Variants in TRERF1 observed in about 807,000 individuals in gnomAD.
TRERF1 encodes transcriptional-regulating factor 1.
In TRERF1, 27 loss-of-function variants were observed where a neutral mutation model predicts 122.9. The ratio of observed to expected loss-of-function variants is 0.22; its 90% confidence interval spans 0.16 to 0.30. The LOEUF (loss-of-function observed/expected upper bound fraction) is 0.30, where lower values mean the gene tolerates loss of function less well. Among genes scored for constraint, TRERF1 ranks in the 10% least tolerant of loss-of-function variants. The pLI is 1.00. For synonymous variants in TRERF1, 636 were observed against 641.7 expected (o/e 0.99, Z 0.13); for missense variants, 1,248 against 1,560.3 (o/e 0.80, Z 3.37).
intron 2 of TRERF1, among the ~76,000 whole-genome samples, chr6:42,369,049 G>T (rs187781946): frequency 6.6e-6 from 1 of 152,164 alleles, no homozygotes; most frequent in Non-Finnish European, 1.5e-5. Context: ...TCAGTCTGGA[G>T]TGGGGCTCTG....
At chr6:42,374,375 G>C (rs1774430219) in intron 2 of TRERF1, among the ~76,000 whole-genome samples, 1 of 152,092 alleles carries the variant, frequency 6.6e-6, no homozygotes, top group African/African-American at 2.4e-5. Flanking sequence ...TTTGACAGTG[G>C]TTGTGTCTCG....
chr6:42,395,069 C>G (rs1226230421), intron 2 of TRERF1, among the ~76,000 whole-genome samples: 4 of 152,230 alleles, frequency 2.6e-5, no homozygotes, highest in Non-Finnish European at 4.4e-5. Context: ...GTGGGGTAGA[C>G]AGGGCCGGCA....
chr6:42,419,353 C>T (rs958106640), intron 2 of TRERF1, among the ~76,000 whole-genome samples: 2 of 150,276 alleles, frequency 1.3e-5, no homozygotes, highest in Non-Finnish European at 3.0e-5. Context: ...CCTCACAAAC[C>T]ACAGTGCTCC....
At chr6:42,288,857 G>T (rs1215344674) in intron 4 of TRERF1, among the ~76,000 whole-genome samples, 2 of 152,036 alleles carry the variant, frequency 1.3e-5, no homozygotes, top group Admixed American at 1.3e-4. Context: ...CTGGACAGGG[G>T]GCAAGGGCAA....
chr6:42,368,301 C>G (rs972611378), intron 2 of TRERF1, among the ~76,000 whole-genome samples: 2 of 152,182 alleles, frequency 1.3e-5, no homozygotes, highest in Non-Finnish European at 2.9e-5. Context: ...CCCTCTACCC[C>G]TCCTGAGTGG....
intron 4 of TRERF1, among the ~76,000 whole-genome samples, chr6:42,290,718 T>A (rs1478873062): frequency 4.0e-5 from 6 of 150,836 alleles, no homozygotes; most frequent in Non-Finnish European, 8.8e-5. Context: ...GAAAATTAAT[T>A]TATCCTTTTT....
chr6:42,288,953 C>CTGTGTGTGTGTG (rs3074800), intron 4 of TRERF1, among the ~76,000 whole-genome samples: 149 of 144,412 alleles, frequency 1.0e-3, no homozygotes, highest in East Asian at 4.1e-3. Context: ...ATCTTGAACT[C>CTGTGTGTGTGTG]TGTGTGTGTG....
At chr6:42,328,004 CTTTTTTTTTTT>C (rs36069546) in intron 3 of TRERF1, among the ~76,000 whole-genome samples, 2 of 108,004 alleles carry the variant, frequency 1.9e-5, no homozygotes, top group African/African-American at 6.9e-5. Flanking sequence ...TTCTTTCTTT[CTTTTTTTTTTT>C]TTTTTTTTGA....
intron 15 of TRERF1, among the ~76,000 whole-genome samples, chr6:42,239,957 C>A (rs573481746): frequency 2.0e-5 from 3 of 152,122 alleles, no homozygotes; most frequent in Non-Finnish European, 4.4e-5. Context: ...CTGGCCCAGC[C>A]TAACACTGGC....
chr6:42,318,521 C>A (rs1762871554), intron 3 of TRERF1, among the ~76,000 whole-genome samples: 1 of 152,180 alleles, frequency 6.6e-6, no homozygotes, highest in African/African-American at 2.4e-5. Context: ...AAGCTCCAGG[C>A]TCTAGTTAGG....
intron 2 of TRERF1, among the ~76,000 whole-genome samples, chr6:42,404,477 C>T (rs1404355319): frequency 6.6e-6 from 1 of 152,070 alleles, no homozygotes; most frequent in African/African-American, 2.4e-5. Flanking sequence ...AAGACTCCCC[C>T]TTTTCTCCCC....
chr6:42,268,249 G>C lies in TRERF1; in HGVS notation c.1342C>G (p.Leu448Val). 6.7e-7 allele frequency: 1 copy of C among 1,498,938 alleles called. No homozygotes were observed. Among genetic ancestry groups the C allele is most frequent in the Non-Finnish European group, 8.9e-7 (1 of 1,124,716 alleles). 92.9% of individuals were successfully genotyped at this position (1,498,938 alleles called of 1,614,324 possible). Reference sequence around the variant, plus strand: ...GGGGATAGGAGGGGGCGATGGGGGAGGGTGCTGCTGACCCGGGTCAGATCT... The same window carrying C: ...GGGGATAGGAGGGGGCGATGGGGGACGGTGCTGCTGACCCGGGTCAGATCT... Residue 448 changes from leucine (L) to valine (V), a missense_variant, in exon 5 of 18, where the codon CTC becomes GTC. Leu to Val is a conservative substitution (Grantham distance 32). This residue lies in a region of TRERF1 where 946 missense variants were observed against 1,073.0 expected (regional missense o/e 0.88). Transcript: ENST00000372922. The surrounding 1 kb of genome is among the most constrained non-coding windows in gnomAD (Gnocchi z 4.4).
chr6:42,255,078 G>T, intron 12 of TRERF1, 152 bp from the exon 13 acceptor site: 1 of 675,980 alleles, frequency 1.5e-6, no homozygotes. Context: ...CCCCTAACTA[G>T]GGTTTCATGT....
At chr6:42,315,733 CT>C (rs1357121744) in intron 3 of TRERF1, among the ~76,000 whole-genome samples, 1 of 151,064 alleles carries the variant, frequency 6.6e-6, no homozygotes, top group Non-Finnish European at 1.5e-5. Flanking sequence ...CTGCCACCCC[CT>C]AACGTCATAG....
At chr6:42,428,827 C>T (rs1450479185) in intron 2 of TRERF1, among the ~76,000 whole-genome samples, 1 of 152,174 alleles carries the variant, frequency 6.6e-6, no homozygotes, top group East Asian at 1.9e-4. Flanking sequence ...AAGCCACTTC[C>T]TCATGAAGCC....
At position 42,268,224 on chromosome 6, in the gene TRERF1, G is replaced by A. The variant is rs775289882; in HGVS notation, c.1367C>T (p.Pro456Leu). 3 of 1,492,098 alleles carry A rather than the reference G, an allele frequency of 2.0e-6. No individual in the cohort carries two copies. Among genetic ancestry groups the A allele is most frequent in the Non-Finnish European group, 1.8e-6 (2 of 1,120,880 alleles). 92.4% of individuals were successfully genotyped at this position (1,492,098 alleles called of 1,614,324 possible). A position where few individuals can be genotyped will look rare whatever the true frequency, so the allele number is the denominator to read the frequency against. ...CATGTTGTTGAGGTGGATCCCACTG[G>A]GGGATAGGAGGGGGCGATGGGGGAG... The change falls in exon 5 of 18, where the codon CCC becomes CTC. Residue 456 changes from proline (P) to leucine (L), a missense_variant. Physicochemically the swap from Pro to Leu is moderately conservative, Grantham distance 98. Transcript: ENST00000372922. The surrounding 1 kb of genome is among the most constrained non-coding windows in gnomAD (Gnocchi z 4.4).
intron 13 of TRERF1, among the ~76,000 whole-genome samples, chr6:42,248,363 T>C (rs1201493106): frequency 6.6e-6 from 1 of 152,022 alleles, no homozygotes; most frequent in Non-Finnish European, 1.5e-5. Flanking sequence ...TTTTCTTTTT[T>C]TTTTTTGGAG....
intron 2 of TRERF1, among the ~76,000 whole-genome samples, chr6:42,421,447 CCT>C (rs1420502964): frequency 6.6e-6 from 1 of 152,050 alleles, no homozygotes; most frequent in Non-Finnish European, 1.5e-5. Context: ...TCCCTACTTT[CCT>C]CTTTCCTTTC....
chr6:42,422,586 C>A (rs1782950529), intron 2 of TRERF1, among the ~76,000 whole-genome samples: 1 of 151,724 alleles, frequency 6.6e-6, no homozygotes, highest in Admixed American at 6.6e-5. Context: ...TGGAACCATG[C>A]AGATCTACTC....
Sources: gnomAD v4.1 joint callset for allele counts (sites outside exome capture counted in the v4.1 genomes callset) on GRCh38, gnomAD v4.1.1 for gene constraint, gnomAD v4.1.1 regional missense constraint, Gnocchi (gnomAD v3.1) non-coding constraint, MANE v1.5 for transcripts, NCBI Gene and HGNC (gene_info 2026-07-23, HGNC 2026-07-21) for gene names.